PPP2R5C: variants seen among roughly 807,000 people sequenced by gnomAD.
PPP2R5C encodes the protein serine/threonine-protein phosphatase 2A 56 kDa regulatory subunit gamma isoform.
Under a neutral mutation model 68.9 loss-of-function variants are expected in PPP2R5C, and 7 were observed. That is an observed-to-expected ratio of 0.10 (90% CI 0.06 to 0.19). PPP2R5C has a LOEUF of 0.19. PPP2R5C is among the 10% of genes least tolerant of loss of function. The pLI is 1.00. For missense variants in PPP2R5C, 348 were observed against 641.3 expected (o/e 0.54, Z 4.94); for synonymous variants, 210 against 222.2 (o/e 0.95, Z 0.49).
At chr14:101,833,339 C>G (rs532231221) in intron 1 of PPP2R5C, 3 of 152,512 alleles carry the variant, frequency 2.0e-5, no homozygotes, top group African/African-American at 7.2e-5. Context: ...AATGAGGAGT[C>G]TTGCCTGATA....
chr14:101,779,501 G>A (rs900145129), intron 2 of PPP2R5C, among the ~76,000 whole-genome samples: 1 of 152,154 alleles, frequency 6.6e-6, no homozygotes, highest in African/African-American at 2.4e-5. Flanking sequence ...AACGGGAAGA[G>A]GGCATTTCAT....
intron 2 of PPP2R5C, among the ~76,000 whole-genome samples, chr14:101,783,524 T>C (rs2037940032): frequency 6.6e-6 from 1 of 151,642 alleles, no homozygotes; most frequent in African/African-American, 2.4e-5. Context: ...GTCTTGGCCC[T>C]GACGAGAGAA....
intron 1 of PPP2R5C, among the ~76,000 whole-genome samples, chr14:101,843,179 G>A (rs986571081): frequency 3.9e-5 from 6 of 152,144 alleles, no homozygotes; most frequent in South Asian, 2.1e-4. Context: ...AGTGAGCTGT[G>A]ATCACACCAC....
chr14:101,852,474 T>TC (rs1322594029), intron 1 of PPP2R5C, among the ~76,000 whole-genome samples: 1 of 147,066 alleles, frequency 6.8e-6, no homozygotes, highest in East Asian at 1.9e-4. Flanking sequence ...TTTTTCTTTT[T>TC]TTTTTTTTTT....
chr14:101,889,690 G>A, intron 5 of PPP2R5C: 1 of 276,440 alleles, frequency 3.6e-6, no homozygotes, highest in Non-Finnish European at 7.0e-6. Context: ...TCGCACCTGA[G>A]ACAGCACGGA....
At chr14:101,832,800 A>G (rs1356622113) in intron 1 of PPP2R5C, among the ~76,000 whole-genome samples, 1 of 152,150 alleles carries the variant, frequency 6.6e-6, no homozygotes, top group East Asian at 1.9e-4. Flanking sequence ...TTTGCGTGTC[A>G]TGCCCCTTCT....
At chr14:101,868,526 T>C (rs572416618) in intron 2 of PPP2R5C, among the ~76,000 whole-genome samples, 1 of 152,366 alleles carries the variant, frequency 6.6e-6, no homozygotes, top group Non-Finnish European at 1.5e-5. Flanking sequence ...ATGAGTATGT[T>C]CATTATCTGA....
At chr14:101,802,720 A>G (rs967366591) in intron 3 of PPP2R5C, among the ~76,000 whole-genome samples, 1 of 152,180 alleles carries the variant, frequency 6.6e-6, no homozygotes, top group East Asian at 1.9e-4. Context: ...TTGAAAAATC[A>G]TATAACTGAT....
At chr14:101,760,620 G>C (rs1355112105), upstream of PPP2R5C, 1 of 817,754 alleles carries the variant, frequency 1.2e-6, no homozygotes, top group African/African-American at 2.0e-5. Context: ...GGACTGTCGG[G>C]TAGGCGGGAC....
chr14:101,837,275 C>T (rs1298305295), intron 1 of PPP2R5C, among the ~76,000 whole-genome samples: 1 of 152,090 alleles, frequency 6.6e-6, no homozygotes, highest in Non-Finnish European at 1.5e-5. Context: ...TCCCAAGTAG[C>T]TGGGATTACA....
chr14:101,783,780 G>C (rs967551307), intron 2 of PPP2R5C, among the ~76,000 whole-genome samples: 2 of 152,218 alleles, frequency 1.3e-5, no homozygotes, highest in Admixed American at 1.3e-4. Flanking sequence ...TGAGTGCTGG[G>C]CTGGCACTAT....
Position 101,891,342 on chromosome 14 carries a change from A to G in PPP2R5C, c.689+1046A>G, listed in dbSNP as rs186724867. Among the ~76,000 whole-genome samples the G allele has an allele frequency of 1.3e-4, 20 of 152,208 alleles. No homozygotes were observed. Among genetic ancestry groups the G allele is most frequent in the African/African-American group, 4.8e-4 (20 of 41,518 alleles). Reference sequence around the variant, plus strand: ...AGGTCCTGCCCAGTAGTTCTGAGAAAAGCTATTCTTGCCACTTTAGATGTA... The same window carrying G: ...AGGTCCTGCCCAGTAGTTCTGAGAAGAGCTATTCTTGCCACTTTAGATGTA... On this transcript the variant is annotated intron_variant, in intron 6 of 13. Transcript: ENST00000334743. This position sits in a 1 kb window ranked among gnomAD's most constrained non-coding sequence, Gnocchi z 4.9.
At chr14:101,808,234 A>T (rs76294435), upstream of PPP2R5C, among the ~76,000 whole-genome samples, 6,134 of 151,948 alleles carry the variant, frequency 0.04, 175 homozygotes, top group Non-Finnish European at 0.059. Flanking sequence ...GCAGGAGGGC[A>T]GCTAAGATCT....
intron 13 of PPP2R5C, among the ~76,000 whole-genome samples, chr14:101,918,917 T>G (rs1460203926): frequency 6.6e-6 from 1 of 151,864 alleles, no homozygotes; most frequent in Admixed American, 6.6e-5. Context: ...TAACCTCTTT[T>G]TGACCAGCGA....
intron 11 of PPP2R5C, among the ~76,000 whole-genome samples, chr14:101,911,471 C>T (rs376910705): frequency 2.0e-4 from 31 of 152,320 alleles, no homozygotes; most frequent in African/African-American, 6.0e-4. Flanking sequence ...CAGTGCAGTT[C>T]GCAGGTAGGA....
intron 2 of PPP2R5C, among the ~76,000 whole-genome samples, chr14:101,772,860 A>G (rs1295124219): frequency 1.3e-5 from 2 of 152,174 alleles, no homozygotes; most frequent in African/African-American, 4.8e-5. Flanking sequence ...CCTTCCTCCC[A>G]TTCTCAGACC....
intron 2 of PPP2R5C, among the ~76,000 whole-genome samples, chr14:101,868,742 A>G (rs2043227217): frequency 6.6e-6 from 1 of 152,206 alleles, no homozygotes; most frequent in South Asian, 2.1e-4. Flanking sequence ...AAGTTTTGGG[A>G]ACTTATGACC....
intron 2 of PPP2R5C, 39 bp downstream of exon 4, chr14:101,856,924 AT>A: frequency 6.3e-7 from 1 of 1,581,764 alleles, no homozygotes; most frequent in Non-Finnish European, 8.7e-7. Flanking sequence ...CCCAGTTCTG[AT>A]TTATAAACAG....
chr14:101,871,690 T>G (rs2043426950), intron 2 of PPP2R5C, among the ~76,000 whole-genome samples: 1 of 151,666 alleles, frequency 6.6e-6, no homozygotes, highest in Admixed American at 6.6e-5. Context: ...ATCGTTTCTC[T>G]TCTTTGTCTG....
Sources: allele counts gnomAD v4.1 joint callset (sites outside exome capture counted in the v4.1 genomes callset), GRCh38; gene constraint gnomAD v4.1.1; non-coding constraint Gnocchi (gnomAD v3.1); transcripts MANE v1.5; gene names NCBI Gene and HGNC (gene_info 2026-07-23, HGNC 2026-07-21).